B3GALT1: variants seen among roughly 807,000 people sequenced by gnomAD.
B3GALT1 encodes the protein beta-1,3-galactosyltransferase 1.
In B3GALT1, 10 loss-of-function variants were observed where a neutral mutation model predicts 23.2. The ratio of observed to expected loss-of-function variants is 0.43; its 90% CI spans 0.27 to 0.73. B3GALT1 has a LOEUF of 0.73. Ranked by LOEUF, B3GALT1 falls within the 30% of genes least tolerant of loss-of-function variation. The pLI is 0.21. For missense variants in B3GALT1, 299 were observed against 405.4 expected (o/e 0.74, Z 2.25); for synonymous variants, 156 against 141.5 (o/e 1.10, Z -0.73).
chr2:167,296,135 A>C (rs58178589), intron 1 of B3GALT1, among the ~76,000 whole-genome samples: 6,905 of 152,302 alleles, frequency 0.045, 190 homozygotes, highest in East Asian at 0.13. Context: ...TAATACAAGT[A>C]ATGTCAACTT....
At chr2:167,587,475 G>A (rs1684602353) in intron 2 of B3GALT1, among the ~76,000 whole-genome samples, 1 of 152,174 alleles carries the variant, frequency 6.6e-6, no homozygotes, top group Non-Finnish European at 1.5e-5. Flanking sequence ...GAATAGGTTA[G>A]AGGAACTCAC....
chr2:167,571,195 T>G lies in B3GALT1; in HGVS notation c.-409-75714T>G, dbSNP rs540350196. Among the ~76,000 whole-genome samples the G allele has an allele frequency of 1.3e-4, 20 of 151,992 alleles. No individual in the cohort carries two copies. In the South Asian group the frequency reaches 4.1e-3, roughly 31 times the overall value. ...TGGGAATTTCAACAGAAAATTTCTTTGAATAATCATTTTGGGAATCTGCCC... is the reference window on the plus strand; with the variant it reads ...TGGGAATTTCAACAGAAAATTTCTTGGAATAATCATTTTGGGAATCTGCCC... On this transcript the variant is annotated intron_variant, in intron 2 of 4. Transcript: ENST00000392690.
intron 3 of B3GALT1, among the ~76,000 whole-genome samples, chr2:167,803,081 AACACACACACACACACAC>A (rs71940853): frequency 3.5e-5 from 5 of 141,464 alleles, no homozygotes; most frequent in Admixed American, 7.1e-5. Flanking sequence ...GACCCTAACA[AACACACACACACACACAC>A]ACACACACAC....
At chr2:167,673,885 C>T (rs1686378431) in intron 3 of B3GALT1, among the ~76,000 whole-genome samples, 1 of 152,014 alleles carries the variant, frequency 6.6e-6, no homozygotes, top group African/African-American at 2.4e-5. Context: ...TGTCCCCTTC[C>T]TTACATTGCT....
intron 2 of B3GALT1, among the ~76,000 whole-genome samples, chr2:167,561,862 A>C (rs1027430732): frequency 6.6e-6 from 1 of 152,226 alleles, no homozygotes; most frequent in Non-Finnish European, 1.5e-5. Context: ...TTCACAGCCA[A>C]ATTCTACCAG....
chr2:167,772,665 A>T (rs1193841952), intron 3 of B3GALT1, among the ~76,000 whole-genome samples: 1 of 152,174 alleles, frequency 6.6e-6, no homozygotes, highest in Non-Finnish European at 1.5e-5. Flanking sequence ...TTAGGTGCAT[A>T]TATATTTCAG....
chr2:167,400,580 G>C (rs1470840969), intron 1 of B3GALT1, among the ~76,000 whole-genome samples: 1 of 152,074 alleles, frequency 6.6e-6, no homozygotes, highest in East Asian at 1.9e-4. Flanking sequence ...CCTAGACCCT[G>C]AAGATACATT....
At chr2:167,857,144 A>C (rs1690014482) in intron 4 of B3GALT1, among the ~76,000 whole-genome samples, 1 of 152,106 alleles carries the variant, frequency 6.6e-6, no homozygotes, top group Non-Finnish European at 1.5e-5. Context: ...ATTTACCTTA[A>C]TGTTTCTTTG....
At chr2:167,433,290 G>A (rs1211932058) in intron 1 of B3GALT1, among the ~76,000 whole-genome samples, 1 of 152,130 alleles carries the variant, frequency 6.6e-6, no homozygotes, top group Non-Finnish European at 1.5e-5. Flanking sequence ...AGCACTGAGT[G>A]ATAATTCCAT....
chr2:167,602,408 G>A (rs1558921105), intron 2 of B3GALT1, among the ~76,000 whole-genome samples: 1 of 152,062 alleles, frequency 6.6e-6, no homozygotes, highest in Non-Finnish European at 1.5e-5. Context: ...CATATTTAGG[G>A]GAACTAAAAC....
At chr2:167,682,525 A>T (rs1269869499) in intron 3 of B3GALT1, among the ~76,000 whole-genome samples, 1 of 152,252 alleles carries the variant, frequency 6.6e-6, no homozygotes, top group African/African-American at 2.4e-5. Context: ...TCAATGACCT[A>T]TTACTGCAGC....
chr2:167,781,646 C>T (rs994106899), intron 3 of B3GALT1, among the ~76,000 whole-genome samples: 3 of 152,216 alleles, frequency 2.0e-5, no homozygotes, highest in African/African-American at 7.2e-5. Context: ...CCCCCTTTCC[C>T]TCTCAGGCAG....
intron 2 of B3GALT1, among the ~76,000 whole-genome samples, chr2:167,545,935 A>T (rs1683629319): frequency 6.6e-6 from 1 of 152,206 alleles, no homozygotes; most frequent in South Asian, 2.1e-4. Flanking sequence ...TTTAAATACA[A>T]AATTCATTTA....
At chr2:167,568,873 C>A (rs937320516) in intron 2 of B3GALT1, among the ~76,000 whole-genome samples, 8 of 151,712 alleles carry the variant, frequency 5.3e-5, no homozygotes, top group Admixed American at 2.0e-4. Context: ...TGTTTTAGAT[C>A]TATAATCCAT....
intron 2 of B3GALT1, among the ~76,000 whole-genome samples, chr2:167,543,554 T>C (rs1356881062): frequency 6.6e-6 from 1 of 152,198 alleles, no homozygotes; most frequent in Admixed American, 6.5e-5. Context: ...AAATTATTGT[T>C]TTGAGGCTCT....
chr2:167,408,811 A>ACAAAG (rs1698351077), intron 1 of B3GALT1, among the ~76,000 whole-genome samples: 3 of 119,248 alleles, frequency 2.5e-5, no homozygotes, highest in African/African-American at 8.4e-5. Context: ...AAAAAAAAAA[A>ACAAAG]AACAAAAGAC....
At chr2:167,848,432 G>A (rs1689806940) in intron 4 of B3GALT1, among the ~76,000 whole-genome samples, 1 of 152,108 alleles carries the variant, frequency 6.6e-6, no homozygotes, top group South Asian at 2.1e-4. Context: ...TGCAGGAATG[G>A]TTTAACATAT....
At chr2:167,359,329 C>A (rs13404088) in intron 1 of B3GALT1, among the ~76,000 whole-genome samples, 5,403 of 152,210 alleles carry the variant, frequency 0.035, 317 homozygotes, top group African/African-American at 0.12. Context: ...TTAACACACT[C>A]CCTAAATACA....
At chr2:167,646,987 G>A (rs1685758060) in intron 3 of B3GALT1, among the ~76,000 whole-genome samples, 21 bp downstream of exon 3, 1 of 152,028 alleles carries the variant, frequency 6.6e-6, no homozygotes, top group South Asian at 2.1e-4. Context: ...AGTTTATTTG[G>A]CTTACTGTAG....
Sources: allele counts gnomAD v4.1 joint callset (sites outside exome capture counted in the v4.1 genomes callset), GRCh38; gene constraint gnomAD v4.1.1; transcripts MANE v1.5; gene names NCBI Gene and HGNC (gene_info 2026-07-23, HGNC 2026-07-21).